HIVEP3: variants seen among roughly 807,000 people sequenced by gnomAD.
HIVEP3 encodes transcription factor HIVEP3.
In HIVEP3, 49 loss-of-function variants were observed where a neutral mutation model predicts 152.8. The observed-to-expected ratio is 0.32, with a 90% CI of 0.26 to 0.41. The LOEUF (loss-of-function observed/expected upper bound fraction) is 0.41, where lower values mean the gene tolerates loss of function less well. Ranked by LOEUF, HIVEP3 falls within the 10% of genes least tolerant of loss-of-function variation. HIVEP3 has a pLI of 1.00. For missense variants in HIVEP3, 2,790 were observed against 3,103.3 expected, an observed-to-expected ratio of 0.90 and a Z score of 2.40; for synonymous variants, 1,269 against 1,289.0, an observed-to-expected ratio of 0.98 and a Z score of 0.33.
At chr1:41,638,214 G>GAGAA (rs905524152) in intron 2 of HIVEP3, among the ~76,000 whole-genome samples, 9 of 136,248 alleles carry the variant, frequency 6.6e-5, no homozygotes, top group African/African-American at 1.7e-4. Flanking sequence ...AAAGAAAGAA[G>GAGAA]AGAAAGAAAG....
At chr1:41,612,658 A>G (rs1225981816) in intron 3 of HIVEP3, among the ~76,000 whole-genome samples, 1 of 152,228 alleles carries the variant, frequency 6.6e-6, no homozygotes, top group African/African-American at 2.4e-5. Context: ...GCCTAGGATC[A>G]GACTCATTTC....
At chr1:41,596,982 T>C (rs1644674281) in intron 3 of HIVEP3, among the ~76,000 whole-genome samples, 1 of 152,208 alleles carries the variant, frequency 6.6e-6, no homozygotes, top group African/African-American at 2.4e-5. Context: ...AACTGCTTTT[T>C]CCCTCAATAA....
intron 2 of HIVEP3, among the ~76,000 whole-genome samples, chr1:41,638,360 G>GGAAA (rs1553241212): frequency 0.16 from 5,187 of 32,758 alleles, 468 homozygotes; most frequent in African/African-American, 0.33. Flanking sequence ...GAAAGAAAAA[G>GGAAA]GAAAGAAAGA....
intron 5 of HIVEP3, among the ~76,000 whole-genome samples, chr1:41,549,819 T>C (rs1270956306): frequency 5.3e-5 from 8 of 152,350 alleles, no homozygotes; most frequent in East Asian, 1.9e-4. Flanking sequence ...TCCAATTTTG[T>C]AGGTTGCCTG....
chr1:41,605,712 G>A (rs1435390496), intron 3 of HIVEP3, among the ~76,000 whole-genome samples: 2 of 152,042 alleles, frequency 1.3e-5, no homozygotes, highest in East Asian at 1.9e-4. Context: ...GGATCTCACC[G>A]AGCAGAAAAG....
chr1:41,863,125 G>A (rs1472547108), intron 1 of HIVEP3, among the ~76,000 whole-genome samples: 3 of 152,284 alleles, frequency 2.0e-5, no homozygotes, highest in African/African-American at 7.2e-5. Context: ...GTTCCCAGAC[G>A]CAGAGTCATC....
chr1:42,003,472 T>C (rs1645440165), intron 1 of HIVEP3, among the ~76,000 whole-genome samples: 1 of 152,204 alleles, frequency 6.6e-6, no homozygotes. Flanking sequence ...CAAAGCACCC[T>C]GTCCTTTACT....
intron 1 of HIVEP3, among the ~76,000 whole-genome samples, chr1:41,956,587 T>C (rs1026639048): frequency 6.6e-6 from 1 of 152,246 alleles, no homozygotes; most frequent in Non-Finnish European, 1.5e-5. Context: ...TTTATTGTCT[T>C]ATTTCCATGC....
rs757164295 is a variant in HIVEP3, at chr1:41,511,053, G to T, written c.6619C>A (p.Pro2207Thr). The T allele has an allele frequency of 6.2e-7, 1 of 1,613,966 alleles. No homozygotes were observed. Among genetic ancestry groups the T allele is most frequent in the Non-Finnish European group, 8.5e-7 (1 of 1,179,932 alleles). ...GGCAGCAGGGTGGGGTGGGCTCCTG[G>T]CCGGGCCTGCACCATCTGGATCCCA... is the stretch of plus-strand genomic sequence containing the variant. ...IGGIQMVQAR[P>T]GAHPTLLPGP... The change falls in exon 9 of 9, where the codon CCA becomes ACA. Residue 2207 changes from proline to threonine, a missense_variant. Physicochemically the swap from Pro to Thr is conservative, Grantham distance 38. Transcript: ENST00000372583. The surrounding 1 kb of genome is among the most constrained non-coding windows in gnomAD (Gnocchi z 4.9).
intron 1 of HIVEP3, among the ~76,000 whole-genome samples, chr1:41,859,516 A>T (rs1029535343): frequency 6.6e-6 from 1 of 152,192 alleles, no homozygotes; most frequent in Non-Finnish European, 1.5e-5. Flanking sequence ...AAGGGTAGGG[A>T]TGTGGGCTCT....
rs59944015 is a variant in HIVEP3 at position 41,508,345 on chromosome 1, C to T, written c.*2106G>A. On this transcript the variant is annotated 3_prime_UTR_variant, in exon 9 of 9. Coordinates refer to ENST00000372583, the MANE Select transcript of HIVEP3 (RefSeq NM_024503.5). ...GCTGAAAGGCAAGGATGAGAAAAGC[C>T]CTGGCCTCCTGGGACTTGGAGGAGT... is the stretch of plus-strand genomic sequence containing the variant. 0.027 allele frequency: 4,177 copies of T among 152,356 alleles called. 203 individuals are homozygous for T. Among genetic ancestry groups the T allele is most frequent in the African/African-American group, 0.095 (3,967 of 41,554 alleles). The allele number at this position is 152,356 out of a possible 1,614,324, so 9.4% of individuals were successfully genotyped here.
At chr1:41,550,144 A>C (rs886561225) in intron 5 of HIVEP3, among the ~76,000 whole-genome samples, 1 of 152,232 alleles carries the variant, frequency 6.6e-6, no homozygotes, top group African/African-American at 2.4e-5. Flanking sequence ...TCCTTTCCCC[A>C]TTTCTTGTTT....
chr1:41,610,845 T>C (rs957044807), intron 3 of HIVEP3, among the ~76,000 whole-genome samples: 1 of 152,232 alleles, frequency 6.6e-6, no homozygotes, highest in East Asian at 1.9e-4. Context: ...ATGTACTGTT[T>C]GTGTGCCTGA....
intron 1 of HIVEP3, among the ~76,000 whole-genome samples, chr1:42,021,173 A>G (rs1330449681): frequency 6.6e-6 from 1 of 152,160 alleles, no homozygotes; most frequent in Non-Finnish European, 1.5e-5. Context: ...TAAGGGGGAA[A>G]AAAGGAAGTT....
intron 2 of HIVEP3, among the ~76,000 whole-genome samples, chr1:41,660,708 C>T (rs530609045): frequency 1.3e-5 from 2 of 152,066 alleles, no homozygotes; most frequent in Non-Finnish European, 2.9e-5. Flanking sequence ...GAAAAGGGCC[C>T]GCAACTAGAA....
intron 1 of HIVEP3, among the ~76,000 whole-genome samples, chr1:41,994,784 T>C (rs941502929): frequency 1.3e-5 from 2 of 152,140 alleles, no homozygotes; most frequent in African/African-American, 2.4e-5. Flanking sequence ...AAAACAACTA[T>C]GCTTATCATG....
chr1:41,694,428 G>A (rs765875529), intron 2 of HIVEP3, among the ~76,000 whole-genome samples: 11 of 152,240 alleles, frequency 7.2e-5, no homozygotes, highest in Middle Eastern at 3.4e-3. Flanking sequence ...GCAGGTTGTC[G>A]GGGCTCTGGA....
intron 1 of HIVEP3, among the ~76,000 whole-genome samples, chr1:41,994,848 G>A (rs1368754755): frequency 2.0e-5 from 3 of 151,676 alleles, no homozygotes; most frequent in Admixed American, 6.6e-5. Flanking sequence ...ACAAGGATCT[G>A]AAAATGACAT....
intron 5 of HIVEP3, 71 bp downstream of exon 5, chr1:41,575,473 C>T (rs761738433): frequency 2.5e-5 from 38 of 1,540,718 alleles, no homozygotes; most frequent in Admixed American, 8.7e-5. Context: ...GCCACTGCTG[C>T]CCGTGAACAC....
Sources: gnomAD v4.1 joint callset for allele counts (sites outside exome capture counted in the v4.1 genomes callset) on GRCh38, gnomAD v4.1.1 for gene constraint, Gnocchi (gnomAD v3.1) non-coding constraint, MANE v1.5 for transcripts, NCBI Gene and HGNC (gene_info 2026-07-23, HGNC 2026-07-21) for gene names.